Variants in MBOAT2 observed in about 807,000 individuals in gnomAD.
MBOAT2 encodes the protein membrane bound glycerophospholipid O-acyltransferase 2, also known as membrane-bound glycerophospholipid O-acyltransferase 2.
MBOAT2 carries 28 observed loss-of-function variants against 63.4 expected under a neutral mutation model. That is an observed-to-expected ratio of 0.44 (90% CI 0.33 to 0.61). The LOEUF (loss-of-function observed/expected upper bound fraction) is 0.61. Among genes scored for constraint, MBOAT2 ranks in the 20% least tolerant of loss-of-function variants. The pLI, the probability that MBOAT2 is intolerant of heterozygous loss-of-function variation, is 0.03. For synonymous variants in MBOAT2, 211 were observed against 215.6 expected (o/e 0.98, Z 0.19); for missense variants, 470 against 605.8 (o/e 0.78, Z 2.35).
chr2:8,888,157 G>A lies in MBOAT2; in HGVS notation c.396-84C>T, dbSNP rs1431541580. On this transcript the variant is annotated intron_variant, in intron 4 of 12. Coordinates refer to ENST00000305997, the MANE Select transcript of MBOAT2 (RefSeq NM_138799.4). ...GACATATGAGTTAAGAGTTTATTCT[G>A]CTTTTATCACTACAAATCCTGAAAT... 4.0e-6 allele frequency: 5 copies of A among 1,262,568 alleles called. No homozygotes were observed. In the Admixed American group the frequency reaches 1.0e-4, roughly 26 times the overall value. 78.2% of individuals were successfully genotyped at this position (1,262,568 alleles called of 1,614,324 possible).
intron 3 of MBOAT2, among the ~76,000 whole-genome samples, chr2:8,912,049 G>T (rs1665746014): frequency 6.6e-6 from 1 of 151,874 alleles, no homozygotes; most frequent in Non-Finnish European, 1.5e-5. Flanking sequence ...ATACCTTTAT[G>T]ATTAAAACCC....
intron 4 of MBOAT2, among the ~76,000 whole-genome samples, chr2:8,903,993 A>AT (rs1388001729): frequency 1.3e-5 from 2 of 150,298 alleles, no homozygotes; most frequent in South Asian, 2.1e-4. Context: ...TTTATTTTTT[A>AT]TTTTTTTTGA....
intron 4 of MBOAT2, chr2:8,908,166 CA>C (rs1477094894): frequency 6.6e-6 from 1 of 152,558 alleles, no homozygotes; most frequent in African/African-American, 2.4e-5. Context: ...TATTTCACAA[CA>C]GACATATAAT....
intron 2 of MBOAT2, among the ~76,000 whole-genome samples, chr2:8,950,728 A>T (rs906903298): frequency 3.9e-5 from 6 of 152,120 alleles, no homozygotes; most frequent in Admixed American, 3.3e-4. Flanking sequence ...CACCCAGTCA[A>T]ATGCTTCCAG....
intron 2 of MBOAT2, among the ~76,000 whole-genome samples, chr2:8,944,648 G>GACACACACACACAC (rs61107364): frequency 2.1e-5 from 3 of 140,142 alleles, no homozygotes; most frequent in South Asian, 2.3e-4. Context: ...CTGTTTGACT[G>GACACACACACACAC]ACACACACAC....
intron 1 of MBOAT2, among the ~76,000 whole-genome samples, chr2:8,995,358 T>C (rs1218020389): frequency 6.6e-6 from 1 of 152,174 alleles, no homozygotes; most frequent in African/African-American, 2.4e-5. Flanking sequence ...TTTCTACATA[T>C]GAGATTATAC....
intron 3 of MBOAT2, among the ~76,000 whole-genome samples, chr2:8,938,074 T>C (rs906236199): frequency 1.3e-5 from 2 of 152,182 alleles, no homozygotes; most frequent in Non-Finnish European, 2.9e-5. Flanking sequence ...TCAAGACACA[T>C]GTAGGGATTG....
intron 4 of MBOAT2, among the ~76,000 whole-genome samples, chr2:8,904,647 AT>A (rs1210424962): frequency 2.0e-5 from 3 of 151,342 alleles, no homozygotes; most frequent in Admixed American, 6.6e-5. Flanking sequence ...AAACAGTCTG[AT>A]TTTTTTTTCC....
chr2:8,866,761 T>G (rs75220419), intron 9 of MBOAT2, among the ~76,000 whole-genome samples: 4 of 152,244 alleles, frequency 2.6e-5, no homozygotes, highest in Non-Finnish European at 4.4e-5. Flanking sequence ...ATATGTCCCA[T>G]AGAACTTCTC....
At chr2:8,944,922 G>A (rs1573125061) in intron 2 of MBOAT2, among the ~76,000 whole-genome samples, 2 of 152,124 alleles carry the variant, frequency 1.3e-5, no homozygotes, top group East Asian at 1.9e-4. Context: ...CTTAAACTGC[G>A]AGGAGAACTC....
chr2:8,961,617 T>C (rs1384605662), intron 1 of MBOAT2, among the ~76,000 whole-genome samples: 3 of 151,996 alleles, frequency 2.0e-5, no homozygotes, highest in Non-Finnish European at 4.4e-5. Context: ...ATATTTCCCA[T>C]CAGTAGGAAA....
chr2:8,928,650 T>C (rs568520886), intron 3 of MBOAT2, among the ~76,000 whole-genome samples: 3 of 151,992 alleles, frequency 2.0e-5, no homozygotes, highest in Non-Finnish European at 4.4e-5. Context: ...AAAATTTTTA[T>C]GAAAAATATA....
chr2:8,863,475 C>G (rs977718641), intron 10 of MBOAT2, among the ~76,000 whole-genome samples: 1 of 152,180 alleles, frequency 6.6e-6, no homozygotes. Context: ...CAGCTCTGTC[C>G]TTCGCACCTG....
intron 1 of MBOAT2, among the ~76,000 whole-genome samples, chr2:8,961,791 T>C (rs1020819430): frequency 9.2e-5 from 14 of 152,118 alleles, no homozygotes; most frequent in African/African-American, 3.4e-4. Flanking sequence ...GCAGGGGGCA[T>C]AATTGACCAA....
intron 3 of MBOAT2, among the ~76,000 whole-genome samples, chr2:8,927,877 T>A (rs1667043899): frequency 1.3e-5 from 2 of 152,080 alleles, no homozygotes; most frequent in South Asian, 4.2e-4. Context: ...CTCTGAGTAA[T>A]TTACAAAGAA....
At chr2:8,970,061 A>G (rs1182770690) in intron 1 of MBOAT2, among the ~76,000 whole-genome samples, 4 of 152,238 alleles carry the variant, frequency 2.6e-5, no homozygotes, top group Non-Finnish European at 5.9e-5. Flanking sequence ...AATCAAAAGA[A>G]TATACATTCT....
intron 1 of MBOAT2, among the ~76,000 whole-genome samples, chr2:8,979,789 T>C (rs1278706362): frequency 6.6e-6 from 1 of 152,148 alleles, no homozygotes; most frequent in East Asian, 1.9e-4. Context: ...ACATAGATTC[T>C]TACATAAGGT....
chr2:8,892,869 A>C (rs960960098), intron 4 of MBOAT2, among the ~76,000 whole-genome samples: 8 of 152,104 alleles, frequency 5.3e-5, no homozygotes, highest in African/African-American at 1.9e-4. Context: ...ATGAGCAAGG[A>C]GGACAGGAAC....
intron 1 of MBOAT2, among the ~76,000 whole-genome samples, chr2:8,997,453 A>G (rs1672387184): frequency 6.6e-6 from 1 of 152,210 alleles, no homozygotes; most frequent in African/African-American, 2.4e-5. Context: ...TCAAAACTAG[A>G]TTTTAATCCT....
Sources: allele counts gnomAD v4.1 joint callset (sites outside exome capture counted in the v4.1 genomes callset), GRCh38; gene constraint gnomAD v4.1.1; transcripts MANE v1.5; gene names NCBI Gene and HGNC (gene_info 2026-07-23, HGNC 2026-07-21).